The following TBC1D2B variants were observed in gnomAD, a reference collection of about 807,000 sequenced individuals.
The protein encoded by TBC1D2B is TBC1 domain family member 2B.
TBC1D2B carries 64 observed loss-of-function variants against 100.8 expected under a neutral mutation model. That is an observed-to-expected ratio of 0.64 (90% confidence interval 0.52 to 0.78). The LOEUF is 0.78. Among genes scored for constraint, TBC1D2B ranks in the 30% least tolerant of loss-of-function variants. The pLI is 0.00. For missense variants in TBC1D2B, 1,052 were observed against 1,218.4 expected (o/e 0.86, Z 2.03); for synonymous variants, 480 against 479.7 (o/e 1.00, Z -0.01).
intron 4 of TBC1D2B, 138 bp from the exon 5 acceptor site, chr15:78,025,635 T>C (rs2072645477): frequency 3.6e-6 from 2 of 563,260 alleles, no homozygotes; most frequent in Non-Finnish European, 5.7e-6. Flanking sequence ...CATGCCATTC[T>C]CCTGCCTCAG....
chr15:78,033,427 A>G (rs559267011), intron 3 of TBC1D2B, among the ~76,000 whole-genome samples: 1 of 152,358 alleles, frequency 6.6e-6, no homozygotes, highest in Admixed American at 6.5e-5. Context: ...GTATGATTCC[A>G]TTTATATAAA....
chr15:78,050,895 A>G (rs896515114), intron 2 of TBC1D2B, among the ~76,000 whole-genome samples: 1 of 152,220 alleles, frequency 6.6e-6, no homozygotes, highest in African/African-American at 2.4e-5. Context: ...CTTGGTTTTG[A>G]TCGTGGCCAT....
At position 78,050,589 on chromosome 15, in the gene TBC1D2B, C is replaced by T. The variant is rs181757536; in HGVS notation, c.514+3445G>A. Among the ~76,000 whole-genome samples, 19 of 152,324 alleles carry T rather than the reference C, an allele frequency of 1.2e-4. No individual in the cohort carries two copies. The East Asian group carries it at 3.5e-3, about 28-fold the overall frequency. The stretch of plus-strand genomic sequence containing the variant: ...CTCAACAGCTATAAAGGTTTATAGA[C>T]ACCTGATTGTATCTTTATGCAAATT... On this transcript the variant is annotated intron_variant, in intron 2 of 12. Transcript: ENST00000300584.
At chr15:78,039,628 G>A (rs2073026951) in intron 3 of TBC1D2B, among the ~76,000 whole-genome samples, 1 of 152,104 alleles carries the variant, frequency 6.6e-6, no homozygotes, top group African/African-American at 2.4e-5. Context: ...AACAGTGGCA[G>A]CAATACCAGC....
intron 1 of TBC1D2B, among the ~76,000 whole-genome samples, chr15:78,055,612 C>A (rs553181734): frequency 4.6e-5 from 7 of 152,328 alleles, no homozygotes; most frequent in Admixed American, 3.3e-4. Context: ...CAAAGGATAA[C>A]CTGTGGGTGC....
At chr15:78,069,186 A>T (rs1596332078) in intron 1 of TBC1D2B, among the ~76,000 whole-genome samples, 2 of 152,186 alleles carry the variant, frequency 1.3e-5, no homozygotes, top group East Asian at 3.9e-4. Flanking sequence ...TTTCTCAAGA[A>T]ATCGTCATCT....
In TBC1D2B at chr15:77,998,390, C is replaced by T. The variant is rs761768284; in HGVS notation, c.2697-35G>A. Reference sequence around the variant, plus strand: ...CGCAGGGGAGAGACAAGAGAATCAGCGGCGCTCCAGAGAGTGCTCACACAC... The same window carrying T: ...CGCAGGGGAGAGACAAGAGAATCAGTGGCGCTCCAGAGAGTGCTCACACAC... On this transcript the variant is annotated intron_variant, in intron 12 of 12. Transcript: ENST00000300584. 6 of 1,530,940 alleles carry T rather than the reference C, an allele frequency of 3.9e-6. No homozygotes were observed. The Admixed American group carries it at 6.0e-5, about 15-fold the overall frequency. The allele number at this position is 1,530,940 out of a possible 1,614,324, so 94.8% of individuals were successfully genotyped here.
At chr15:78,008,627 C>G (rs1051360195) in intron 10 of TBC1D2B, among the ~76,000 whole-genome samples, 1 of 152,252 alleles carries the variant, frequency 6.6e-6, no homozygotes, top group South Asian at 2.1e-4. Flanking sequence ...CTCATTCCAG[C>G]CTGACATTGC....
At chr15:78,059,275 A>G (rs1319358863) in intron 1 of TBC1D2B, among the ~76,000 whole-genome samples, 2 of 152,242 alleles carry the variant, frequency 1.3e-5, no homozygotes, top group African/African-American at 4.8e-5. Context: ...TCTCAATACG[A>G]TCCAAGATGT....
chr15:78,053,290 C>T (rs989699271), intron 2 of TBC1D2B, among the ~76,000 whole-genome samples: 2 of 152,196 alleles, frequency 1.3e-5, no homozygotes, highest in African/African-American at 2.4e-5. Flanking sequence ...TTTTAATGTA[C>T]GCTCCGTGTG....
At position 78,024,440 on chromosome 15, in the gene TBC1D2B, C is replaced by T. The variant is rs752935183; in HGVS notation, c.1186G>A (p.Glu396Lys). Residue 396 changes from glutamate (E) to lysine (K), a missense_variant, in exon 6 of 13, where the codon GAG becomes AAG. By Grantham distance (56) the Glu-to-Lys change is moderately conservative. Around this residue, in one of 4 missense-constraint regions of TBC1D2B, gnomAD observed 627 missense variants for 646.1 expected, o/e 0.97. Coordinates refer to ENST00000300584, the MANE Select transcript of TBC1D2B (RefSeq NM_144572.2). ...TGATCATCCTTTTGGTGCAGAAGCTCGAGCGTGTCCTTTGGGACCCCCTCA... is the reference window on the plus strand; with the variant it reads ...TGATCATCCTTTTGGTGCAGAAGCTTGAGCGTGTCCTTTGGGACCCCCTCA... The part of the protein sequence containing the change: ...LCEGVPKDTL[E>K]LLHQKDDQIL... 9 of 1,614,022 alleles carry T rather than the reference C, an allele frequency of 5.6e-6. No individual in the cohort carries two copies. Among genetic ancestry groups the T allele is most frequent in the Non-Finnish European group, 5.9e-6 (7 of 1,179,904 alleles).
rs913712270 is a variant in TBC1D2B, at chr15:78,012,846, G to A, written c.2247C>T (p.Ile749=). 9 of 1,513,466 alleles carry A rather than the reference G, an allele frequency of 5.9e-6. No individual in the cohort carries two copies. The highest frequency in any genetic ancestry group is 2.3e-5 in the East Asian group (1 of 43,946). 93.8% of individuals were successfully genotyped at this position (1,513,466 alleles called of 1,614,324 possible). Residue 749 remains isoleucine (I), a synonymous_variant, in exon 9 of 13, where the codon ATC becomes ATT. Transcript: ENST00000300584. ...LLAFSWRNPD[I]GYCQGLNRLV... is the part of the protein sequence containing the mutation. Reference sequence around the variant, plus strand: ...ACCTGTTTAGGCCTTGACAGTAGCCGATATCTGGATTCCGCCAGGAGAAGG... The same window carrying A: ...ACCTGTTTAGGCCTTGACAGTAGCCAATATCTGGATTCCGCCAGGAGAAGG...
chr15:77,998,444 G>A, intron 12 of TBC1D2B, 89 bp from the exon 13 acceptor site: 1 of 1,283,408 alleles, frequency 7.8e-7, no homozygotes, highest in Non-Finnish European at 1.1e-6. Context: ...AGGTGGCCTG[G>A]GGCAGGGTGG....
chr15:78,075,085 T>C (rs2141853435), intron 1 of TBC1D2B, among the ~76,000 whole-genome samples: 1 of 152,212 alleles, frequency 6.6e-6, no homozygotes, highest in Admixed American at 6.5e-5. Context: ...GTGTAATTTG[T>C]CCAATATGTG....
chr15:78,031,554 C>CAAAAAAAAAAAA lies in TBC1D2B; in HGVS notation c.684-1396_684-1385dup, dbSNP rs1225713046. ...GGGCGATAGAGCAAGACTCTGTCTC[C>CAAAAAAAAAAAA]AAAAAAAAAAAAAAAAAAAAAGAGA... On this transcript the variant is annotated intron_variant, in intron 3 of 12. Transcript: ENST00000300584. 4.0e-4 allele frequency among the ~76,000 whole-genome samples: 22 copies of CAAAAAAAAAAAA among 54,900 alleles called. 5 individuals carry two copies. Among genetic ancestry groups the CAAAAAAAAAAAA allele is most frequent in the East Asian group, 2.9e-3 (4 of 1,400 alleles). 36.0% of individuals were successfully genotyped at this position (54,900 alleles called of 152,430 possible). A position where few individuals can be genotyped will look rare whatever the true frequency, so the allele number is the denominator to read the frequency against.
At chr15:78,062,688 G>A (rs1306801776) in intron 1 of TBC1D2B, among the ~76,000 whole-genome samples, 1 of 151,982 alleles carries the variant, frequency 6.6e-6, no homozygotes, top group Non-Finnish European at 1.5e-5. Flanking sequence ...TAGCCAATTG[G>A]TAGAAAACCA....
chr15:78,049,194 G>A (rs1314516603), intron 2 of TBC1D2B, among the ~76,000 whole-genome samples: 1 of 152,182 alleles, frequency 6.6e-6, no homozygotes, highest in Non-Finnish European at 1.5e-5. Flanking sequence ...GGTCCTGAGA[G>A]GCCCCAGGAT....
chr15:78,066,144 C>T (rs935213444), intron 1 of TBC1D2B: 2 of 457,524 alleles, frequency 4.4e-6, no homozygotes, highest in African/African-American at 4.0e-5. Context: ...AACCCTAGCA[C>T]GTAGGGTCTG....
intron 2 of TBC1D2B, among the ~76,000 whole-genome samples, chr15:78,051,926 C>T (rs4886996): frequency 0.56 from 84,784 of 151,986 alleles, 23,764 homozygotes; most frequent in East Asian, 0.63. Context: ...TGCTCTGGGG[C>T]CCAAAGTTTC....
Sources: allele counts gnomAD v4.1 joint callset (sites outside exome capture counted in the v4.1 genomes callset), GRCh38; gene constraint gnomAD v4.1.1; regional missense constraint gnomAD v4.1.1; transcripts MANE v1.5; gene names NCBI Gene and HGNC (gene_info 2026-07-23, HGNC 2026-07-21).